The following KANSL1 variants were observed in gnomAD, a reference collection of about 807,000 sequenced individuals.
KANSL1 encodes the protein MLL1/MLL complex subunit KANSL1.
Under a neutral mutation model 103.6 loss-of-function variants are expected in KANSL1, and 22 were observed. The observed-to-expected ratio is 0.21, with a 90% CI of 0.15 to 0.30. The LOEUF is 0.30. Ranked by LOEUF, KANSL1 falls within the 10% of genes least tolerant of loss-of-function variation. The pLI, the probability that KANSL1 is intolerant of heterozygous loss-of-function variation, is 1.00. For missense variants in KANSL1, 1,337 were observed against 1,399.8 expected, an observed-to-expected ratio of 0.96 and a Z score of 0.72; for synonymous variants, 600 against 527.6, an observed-to-expected ratio of 1.14 and a Z score of -1.88.
chr17:46,172,410 G>A (rs1259117918), intron 1 of KANSL1, among the ~76,000 whole-genome samples, 178 bp from the exon 2 acceptor site: 2 of 152,140 alleles, frequency 1.3e-5, no homozygotes, highest in African/African-American at 4.8e-5. Flanking sequence ...TGGGAGAAAG[G>A]GGGAGGCAAA....
At chr17:46,061,445 A>G (rs1188904745) in intron 6 of KANSL1, among the ~76,000 whole-genome samples, 1 of 152,144 alleles carries the variant, frequency 6.6e-6, no homozygotes, top group African/African-American at 2.4e-5. Context: ...ATGGCATATA[A>G]GAACTTTCCA....
rs766643723 is a variant in KANSL1, at chr17:46,171,533, C to A, written c.611G>T (p.Gly204Val). 8 of 1,612,812 alleles carry A rather than the reference C, an allele frequency of 5.0e-6. No individual in the cohort carries two copies. The highest frequency in any genetic ancestry group is 2.7e-5 in the African/African-American group (2 of 74,842). The change falls in exon 2 of 15, where the codon GGT becomes GTT. Residue 204 changes from glycine (G) to valine (V), a missense_variant. Coordinates refer to ENST00000432791, the MANE Select transcript of KANSL1 (RefSeq NM_015443.4). ...ATGTGGAAGAGTGCAATTGGTCATA[C>A]CCCCCTTCAAGTCCCCAGATTCAGA... ...GGSESGDLKG[G>V]MTNCTLPHRS...
intron 3 of KANSL1, among the ~76,000 whole-genome samples, chr17:46,085,796 G>C (rs528349201): frequency 1.3e-5 from 2 of 151,898 alleles, no homozygotes; most frequent in Non-Finnish European, 2.9e-5. Context: ...CCAGCTAATT[G>C]TTCTATTTTT....
At chr17:46,135,146 G>A (rs1352715936) in intron 2 of KANSL1, among the ~76,000 whole-genome samples, 1 of 147,848 alleles carries the variant, frequency 6.8e-6, no homozygotes, top group African/African-American at 2.4e-5. Context: ...AGCACAGGGA[G>A]AAATAACTTG....
intron 2 of KANSL1, among the ~76,000 whole-genome samples, chr17:46,100,725 C>T (rs563242481): frequency 6.6e-6 from 1 of 152,308 alleles, no homozygotes; most frequent in Admixed American, 6.5e-5. Flanking sequence ...AATTAAGTCA[C>T]CTAATTCTAT....
chr17:46,210,465 T>A (rs1441998782), intron 1 of KANSL1, among the ~76,000 whole-genome samples: 1 of 562 alleles, frequency 1.8e-3, no homozygotes, highest in Non-Finnish European at 3.1e-3. Flanking sequence ...AGAGTGAGAC[T>A]CTGTCTCAAA....
intron 6 of KANSL1, among the ~76,000 whole-genome samples, chr17:46,053,099 C>A (rs956698397): frequency 2.7e-5 from 4 of 150,518 alleles, no homozygotes; most frequent in African/African-American, 9.8e-5. Flanking sequence ...ACCAGCCTGG[C>A]CAACATGGTG....
intron 1 of KANSL1, among the ~76,000 whole-genome samples, chr17:46,213,545 T>C (rs921716355): frequency 2.7e-5 from 4 of 148,280 alleles, no homozygotes; most frequent in South Asian, 2.2e-4. Context: ...CCTGACCTCA[T>C]GATGGGCCCG....
intron 1 of KANSL1, among the ~76,000 whole-genome samples, chr17:46,190,885 T>C (rs867383984): frequency 6.6e-6 from 1 of 152,262 alleles, no homozygotes. Context: ...TGAGCATTTT[T>C]ACCTTGCCTT....
intron 2 of KANSL1, among the ~76,000 whole-genome samples, chr17:46,149,372 T>C (rs1334824436): frequency 6.6e-6 from 1 of 152,246 alleles, no homozygotes; most frequent in Non-Finnish European, 1.5e-5. Flanking sequence ...CATGGGTTTA[T>C]ACCCTAACCA....
intron 2 of KANSL1, among the ~76,000 whole-genome samples, chr17:46,153,660 C>T (rs1346169551): frequency 6.6e-6 from 1 of 152,158 alleles, no homozygotes; most frequent in East Asian, 1.9e-4. Flanking sequence ...CATCAAAAGA[C>T]CAGGTCATTT....
At chr17:46,147,284 C>T (rs1326692194) in intron 2 of KANSL1, among the ~76,000 whole-genome samples, 2 of 152,226 alleles carry the variant, frequency 1.3e-5, no homozygotes, top group Non-Finnish European at 2.9e-5. Context: ...AGGTGAAAAA[C>T]GTCAACCAGA....
chr17:46,038,292 T>A, intron 10 of KANSL1: 1 of 529,106 alleles, frequency 1.9e-6, no homozygotes, highest in Non-Finnish European at 3.3e-6. Context: ...TGCATCAAGC[T>A]TTCTATGGAT....
intron 2 of KANSL1, among the ~76,000 whole-genome samples, chr17:46,098,438 G>A (rs1468006888): frequency 6.6e-6 from 1 of 152,152 alleles, no homozygotes; most frequent in East Asian, 1.9e-4. Flanking sequence ...GCATTCTAAT[G>A]TTTAAGGAAC....
chr17:46,061,278 A>G (rs1367449633), intron 6 of KANSL1, among the ~76,000 whole-genome samples: 1 of 152,192 alleles, frequency 6.6e-6, no homozygotes, highest in Non-Finnish European at 1.5e-5. Context: ...GTTTAATTAT[A>G]AACATAATTT....
chr17:46,212,227 CTT>C (rs68040324), intron 1 of KANSL1, among the ~76,000 whole-genome samples: 5 of 145,858 alleles, frequency 3.4e-5, no homozygotes, highest in African/African-American at 1.0e-4. Flanking sequence ...ATTAAAAATT[CTT>C]TTTTTTTTTT....
intron 1 of KANSL1, among the ~76,000 whole-genome samples, chr17:46,175,631 T>G (rs1048056230): frequency 3.3e-5 from 5 of 152,202 alleles, no homozygotes; most frequent in African/African-American, 9.7e-5. Context: ...ATTACAGGTG[T>G]GATCCACTGT....
chr17:46,130,367 CAA>C (rs1232721214), intron 2 of KANSL1, among the ~76,000 whole-genome samples: 2 of 152,048 alleles, frequency 1.3e-5, no homozygotes, highest in Non-Finnish European at 2.9e-5. Flanking sequence ...CAATTTACAG[CAA>C]TAAAGTTTAA....
chr17:46,145,128 TTA>T (rs1491225897), intron 2 of KANSL1, among the ~76,000 whole-genome samples: 1 of 105,460 alleles, frequency 9.5e-6, no homozygotes, highest in Admixed American at 9.1e-5. Flanking sequence ...AACTTGCTTC[TTA>T]TATTCTGCTT....
Sources: allele counts gnomAD v4.1 joint callset (sites outside exome capture counted in the v4.1 genomes callset), GRCh38; gene constraint gnomAD v4.1.1; transcripts MANE v1.5; gene names NCBI Gene and HGNC (gene_info 2026-07-23, HGNC 2026-07-21).